The following RNF150 variants were observed in gnomAD, a reference collection of about 807,000 sequenced individuals.
RNF150 encodes ring finger protein 150.
A neutral mutation model predicts 39.3 loss-of-function variants in RNF150; 24 were observed. The ratio of observed to expected loss-of-function variants is 0.61; its 90% CI spans 0.44 to 0.86. The LOEUF is 0.86. RNF150 is among the 40% of genes least tolerant of loss of function. RNF150 has a pLI of 0.00. For missense variants in RNF150, 502 were observed against 587.8 expected (o/e 0.85, Z 1.51); for synonymous variants, 255 against 227.3 (o/e 1.12, Z -1.10).
At chr4:140,887,229 A>C (rs76699762) in intron 6 of RNF150, among the ~76,000 whole-genome samples, 108 of 152,336 alleles carry the variant, frequency 7.1e-4, no homozygotes, top group African/African-American at 2.6e-3. Context: ...GCTTAGATAA[A>C]ATCTTGAGAA....
At chr4:141,069,638 C>T (rs370333718) in intron 1 of RNF150, among the ~76,000 whole-genome samples, 21 of 150,828 alleles carry the variant, frequency 1.4e-4, no homozygotes, top group Non-Finnish European at 4.4e-5. Context: ...AGGAATGGTA[C>T]CAGTTCCTCC....
chr4:141,118,888 G>A (rs1476709472), intron 1 of RNF150, among the ~76,000 whole-genome samples: 1 of 151,998 alleles, frequency 6.6e-6, no homozygotes, highest in Admixed American at 6.5e-5. Context: ...AGCCTCCCGG[G>A]TAGCTGGGAC....
At chr4:140,925,742 A>T (rs1731374086) in intron 5 of RNF150, among the ~76,000 whole-genome samples, 1 of 152,108 alleles carries the variant, frequency 6.6e-6, no homozygotes, top group South Asian at 2.1e-4. Context: ...CACAAGTGAT[A>T]CCTTGACTCA....
At chr4:141,099,333 T>C (rs1485554806) in intron 1 of RNF150, among the ~76,000 whole-genome samples, 1 of 152,098 alleles carries the variant, frequency 6.6e-6, no homozygotes, top group East Asian at 1.9e-4. Context: ...AGAAATTATT[T>C]ACCTCCCGGA....
chr4:141,157,699 A>G (rs961781621), intron 1 of RNF150, among the ~76,000 whole-genome samples: 3 of 152,134 alleles, frequency 2.0e-5, no homozygotes, highest in African/African-American at 7.2e-5. Context: ...AAAAACTCTA[A>G]GGAAGTTTAC....
chr4:141,139,183 T>C (rs1447126138), intron 1 of RNF150, among the ~76,000 whole-genome samples: 1 of 152,140 alleles, frequency 6.6e-6, no homozygotes. Context: ...CACGCCACTG[T>C]ACTCCAGCCT....
Position 140,967,871 on chromosome 4 carries a change from C to T in RNF150, c.487G>A (p.Val163Ile). The change falls in exon 2 of 7, where the codon GTA becomes ATA. Residue 163 changes from valine (V) to isoleucine (I), a missense_variant and splice_region_variant. Physicochemically the swap from Val to Ile is conservative, Grantham distance 29. Coordinates refer to ENST00000515673, the MANE Select transcript of RNF150 (RefSeq NM_020724.2). The stretch of plus-strand genomic sequence containing the variant: ...ATCATTATGGCCACGATGTCTTCTA[C>T]ACCTGTGGTAAGAGGGGAAGGAAGG... ...NETITMPHAG[V>I]EDIVAIMIPE... is the part of the protein sequence containing the mutation. The T allele has an allele frequency of 1.2e-6, 2 of 1,612,784 alleles. No homozygotes were observed. The highest frequency in any genetic ancestry group is 2.2e-5 in the East Asian group (1 of 44,840).
In RNF150 at chr4:140,909,400, ATAGTTT is replaced by A. The variant is rs758996917; in HGVS notation, c.1198+1738_1198+1743del. 1.1e-3 allele frequency among the ~76,000 whole-genome samples: 164 copies of A among 152,232 alleles called. 1 individual carries two copies. Among genetic ancestry groups the A allele is most frequent in the Middle Eastern group, 3.4e-3 (1 of 294 alleles). On this transcript the variant is annotated intron_variant, in intron 6 of 6. Transcript: ENST00000515673. ...ATAAACATAACTTTATATTGTCTTAATAGTTTTAAATATTGTCTCAATAGTTTTAAT... is the reference window on the plus strand; with the variant it reads ...ATAAACATAACTTTATATTGTCTTAATAAATATTGTCTCAATAGTTTTAAT...
intron 1 of RNF150, chr4:140,996,972 T>G (rs184956466): frequency 6.6e-6 from 1 of 152,338 alleles, no homozygotes; most frequent in African/African-American, 2.4e-5. Flanking sequence ...TGAAGTAAAT[T>G]TGTGTGGTTT....
Position 141,075,244 on chromosome 4 carries a change from T to C in RNF150, c.484+57081A>G, listed in dbSNP as rs1264383960. On this transcript the variant is annotated intron_variant, in intron 1 of 6. Coordinates refer to ENST00000515673, the MANE Select transcript of RNF150 (RefSeq NM_020724.2). ...GCAACTATTCAACTCTGCACTGTAA[T>C]GCGAAAGCAGCTATAGGCGATACTT... 2.6e-5 allele frequency among the ~76,000 whole-genome samples: 4 copies of C among 152,242 alleles called. No homozygotes were observed. The East Asian group carries it at 7.7e-4, about 29-fold the overall frequency.
chr4:140,952,671 T>C (rs1732586076), intron 2 of RNF150, among the ~76,000 whole-genome samples: 1 of 152,208 alleles, frequency 6.6e-6, no homozygotes, highest in Non-Finnish European at 1.5e-5. Context: ...GTAAAGTTAA[T>C]GGCTAGGGAA....
At chr4:140,988,479 T>G (rs908934287) in intron 1 of RNF150, among the ~76,000 whole-genome samples, 3 of 151,980 alleles carry the variant, frequency 2.0e-5, no homozygotes, top group African/African-American at 7.2e-5. Context: ...GTGAAAATAT[T>G]CACAAATATA....
chr4:140,979,992 T>G (rs1158315840), intron 1 of RNF150, among the ~76,000 whole-genome samples: 1 of 152,156 alleles, frequency 6.6e-6, no homozygotes, highest in African/African-American at 2.4e-5. Context: ...TTGTGTTTTA[T>G]TTTGCTTTGA....
intron 1 of RNF150, among the ~76,000 whole-genome samples, chr4:141,178,653 A>C (rs564187614): frequency 6.6e-6 from 1 of 152,108 alleles, no homozygotes; most frequent in African/African-American, 2.4e-5. Flanking sequence ...GGGGAGCGGG[A>C]GGTGGGTAGG....
intron 5 of RNF150, among the ~76,000 whole-genome samples, chr4:140,920,671 G>C (rs1731080918): frequency 6.6e-6 from 1 of 151,796 alleles, no homozygotes; most frequent in South Asian, 2.1e-4. Flanking sequence ...ATTTGACCCA[G>C]CCATCCCATT....
At chr4:141,137,786 CAAAGT>C (rs1301605378), upstream of RNF150, among the ~76,000 whole-genome samples, 1 of 152,148 alleles carries the variant, frequency 6.6e-6, no homozygotes, top group Non-Finnish European at 1.5e-5. Flanking sequence ...CACCATGCAA[CAAAGT>C]AAAGTGAGCT....
At chr4:140,877,710 T>C (rs1729211569) in intron 6 of RNF150, among the ~76,000 whole-genome samples, 1 of 152,162 alleles carries the variant, frequency 6.6e-6, no homozygotes, top group Non-Finnish European at 1.5e-5. Context: ...AGAAATGTAA[T>C]ACAAGGTGAC....
At chr4:141,109,475 AAT>A (rs1358975010) in intron 1 of RNF150, among the ~76,000 whole-genome samples, 1 of 152,050 alleles carries the variant, frequency 6.6e-6, no homozygotes, top group East Asian at 1.9e-4. Context: ...TGGTAAAAAA[AAT>A]ATGATAAATG....
At chr4:141,083,381 A>G (rs1020233334) in intron 1 of RNF150, among the ~76,000 whole-genome samples, 1 of 152,174 alleles carries the variant, frequency 6.6e-6, no homozygotes, top group African/African-American at 2.4e-5. Context: ...TCAACACCAC[A>G]ATCTCAAATT....
Sources: allele counts gnomAD v4.1 joint callset (sites outside exome capture counted in the v4.1 genomes callset), GRCh38; gene constraint gnomAD v4.1.1; transcripts MANE v1.5; gene names NCBI Gene and HGNC (gene_info 2026-07-23, HGNC 2026-07-21).